The following RPRD2 variants were observed in gnomAD, a reference collection of about 807,000 sequenced individuals.
RPRD2 encodes the protein regulation of nuclear pre-mRNA domain containing 2.
In RPRD2, 12 loss-of-function variants were observed where a neutral mutation model predicts 104.4. The observed-to-expected ratio is 0.11, with a 90% CI of 0.07 to 0.19. The LOEUF is 0.19. Ranked by LOEUF, RPRD2 falls within the 10% of genes least tolerant of loss-of-function variation. The pLI is 1.00. For missense variants in RPRD2, 1,543 were observed against 1,790.1 expected (o/e 0.86, Z 2.49); for synonymous variants, 714 against 684.9 (o/e 1.04, Z -0.66).
intron 2 of RPRD2, among the ~76,000 whole-genome samples, chr1:150,428,217 C>T (rs1665294908): frequency 1.3e-5 from 2 of 151,684 alleles, no homozygotes; most frequent in Non-Finnish European, 2.9e-5. Context: ...TTTGGGAGGC[C>T]GAGGTGGGTG....
intron 9 of RPRD2, 42 bp downstream of exon 9, chr1:150,460,359 C>G (rs1226001252): frequency 6.5e-7 from 1 of 1,539,728 alleles, no homozygotes; most frequent in Non-Finnish European, 8.9e-7. Flanking sequence ...TAATTTCCAT[C>G]TTTTTAAATT....
chr1:150,404,277 C>T (rs769583278), intron 1 of RPRD2, among the ~76,000 whole-genome samples: 4 of 152,102 alleles, frequency 2.6e-5, no homozygotes, highest in Admixed American at 6.6e-5. Flanking sequence ...GATGGGGTCT[C>T]ACTCTGTTAT....
intron 7 of RPRD2, among the ~76,000 whole-genome samples, chr1:150,451,815 TAATC>T (rs1667197655): frequency 6.6e-6 from 1 of 151,716 alleles, no homozygotes; most frequent in Non-Finnish European, 1.5e-5. Context: ...GGGTGGGCCT[TAATC>T]ATCCGATATA....
At chr1:150,438,704 A>T (rs1401355309) in intron 2 of RPRD2, among the ~76,000 whole-genome samples, 1 of 152,180 alleles carries the variant, frequency 6.6e-6, no homozygotes, top group Non-Finnish European at 1.5e-5. Context: ...AGTGTACTTA[A>T]ATAAACGTAG....
Position 150,457,414 on chromosome 1 carries a change from G to C in RPRD2, c.997G>C (p.Gly333Arg). 2 of 1,613,892 alleles carry C rather than the reference G, an allele frequency of 1.2e-6. No homozygotes were observed. The highest frequency in any genetic ancestry group is 1.7e-6 in the Non-Finnish European group (2 of 1,179,882). ...SPSMDAPSPT[G>R]SESPFQGMGG... Reference sequence around the variant, plus strand: ...AAGCATGGACGCTCCCTCCCCGACTGGTTCTGAGTCTCCTTTTCAGGGAAT... The same window carrying C: ...AAGCATGGACGCTCCCTCCCCGACTCGTTCTGAGTCTCCTTTTCAGGGAAT... The change falls in exon 8 of 11, where the codon GGT becomes CGT. Residue 333 changes from glycine (G) to arginine (R), a missense_variant. Gly to Arg is a moderately radical substitution (Grantham distance 125, BLOSUM62 -2). This residue lies in a region of RPRD2 where 572 missense variants were observed against 787.3 expected (regional missense o/e 0.73). Transcript: ENST00000369068.
chr1:150,433,061 A>G (rs1237974134), intron 2 of RPRD2, among the ~76,000 whole-genome samples: 2 of 152,072 alleles, frequency 1.3e-5, no homozygotes, highest in African/African-American at 4.8e-5. Context: ...TGGCTACCCT[A>G]TTATATACTC....
intron 2 of RPRD2, among the ~76,000 whole-genome samples, chr1:150,418,017 G>A (rs1177409406): frequency 1.3e-5 from 2 of 150,756 alleles, no homozygotes; most frequent in Non-Finnish European, 2.9e-5. Context: ...GCCCAGGCTG[G>A]AGTGCAGTGG....
Position 150,470,819 on chromosome 1 carries a change from T to C in RPRD2, c.1871T>C (p.Leu624Pro), listed in dbSNP as rs778839214. 3 of 1,613,854 alleles carry C rather than the reference T, an allele frequency of 1.9e-6. No homozygotes were observed. The African/African-American group carries it at 4.0e-5, about 22-fold the overall frequency. The change falls in exon 11 of 11, where the codon CTA (leucine) becomes CCA (proline). Residue 624 changes from leucine to proline, a missense_variant. This residue lies in a region of RPRD2 where 572 missense variants were observed against 787.3 expected (regional missense o/e 0.73). Coordinates refer to ENST00000369068, the MANE Select transcript of RPRD2 (RefSeq NM_015203.5). ...GGGCTCCCAAGCACTACTTTTAAAC[T>C]ACCTTCCAACTCTTTGGGGTTTACA... The part of the protein sequence containing the change: ...SPGLPSTTFK[L>P]PSNSLGFTAT...
Position 150,472,321 on chromosome 1 carries a change from A to G in RPRD2, c.3373A>G (p.Arg1125Gly). ...GNRGHGREAS[R>G]VGWFDLSTSG... ...TAGAGGACATGGGCGTGAGGCTTCA[A>G]GGGTGGGTTGGTTTGATCTGAGCAC... Residue 1125 changes from arginine (R) to glycine (G), a missense_variant, in exon 11 of 11, where the codon AGG becomes GGG. Around this residue, in one of 4 missense-constraint regions of RPRD2, gnomAD observed 880 missense variants for 885.6 expected, o/e 0.99. Transcript: ENST00000369068. 6.2e-7 allele frequency: 1 copy of G among 1,613,978 alleles called. No homozygotes were observed. The highest frequency in any genetic ancestry group is 8.5e-7 in the Non-Finnish European group (1 of 1,179,880).
chr1:150,375,235 A>G (rs1660610392), intron 1 of RPRD2, among the ~76,000 whole-genome samples: 1 of 152,208 alleles, frequency 6.6e-6, no homozygotes, highest in African/African-American at 2.4e-5. Flanking sequence ...GATTTCATCC[A>G]TGGCCTTAGG....
intron 2 of RPRD2, among the ~76,000 whole-genome samples, chr1:150,421,226 G>A: frequency 6.6e-6 from 1 of 152,082 alleles, no homozygotes; most frequent in South Asian, 2.1e-4. Flanking sequence ...TATGCCAGCA[G>A]CAACTTATTT....
In RPRD2 at chr1:150,364,939, A is replaced by G; in HGVS notation, c.205+20A>G. ...GGAGATGTGAGTGTTGGGGGTGACT[A>G]GGGAAGGGAAGACTGGGGAAATGGA... is the stretch of plus-strand genomic sequence containing the variant. On this transcript the variant is annotated intron_variant, in intron 1 of 10. Transcript: ENST00000369068. 1.2e-6 allele frequency: 2 copies of G among 1,611,240 alleles called. No homozygotes were observed. Among genetic ancestry groups the G allele is most frequent in the Non-Finnish European group, 1.7e-6 (2 of 1,178,192 alleles).
intron 2 of RPRD2, among the ~76,000 whole-genome samples, chr1:150,420,392 T>C (rs587724150): frequency 3.9e-5 from 6 of 152,334 alleles, no homozygotes; most frequent in Admixed American, 3.3e-4. Flanking sequence ...AAGAATGTTT[T>C]AACTCAGTGA....
At chr1:150,400,453 CTG>C in intron 1 of RPRD2, among the ~76,000 whole-genome samples, 1 of 152,152 alleles carries the variant, frequency 6.6e-6, no homozygotes, top group Admixed American at 6.6e-5. Context: ...TGGGATGAAA[CTG>C]TTCCACCTCA....
At chr1:150,408,314 G>A (rs1008000644) in intron 1 of RPRD2, among the ~76,000 whole-genome samples, 6 of 151,582 alleles carry the variant, frequency 4.0e-5, no homozygotes, top group East Asian at 1.9e-4. Context: ...GCAGGTACCC[G>A]CCACCACGGC....
chr1:150,403,608 T>C (rs756568300), intron 1 of RPRD2, among the ~76,000 whole-genome samples: 1 of 152,154 alleles, frequency 6.6e-6, no homozygotes, highest in African/African-American at 2.4e-5. Context: ...CTCCTTCTTA[T>C]GGGTGGATAA....
chr1:150,364,199 T>A lies in RPRD2; in HGVS notation c.-516T>A, dbSNP rs1207433375. Among the ~76,000 whole-genome samples, 5 of 152,156 alleles carry A rather than the reference T, an allele frequency of 3.3e-5. No homozygotes were observed. Among genetic ancestry groups the A allele is most frequent in the African/African-American group, 1.2e-4 (5 of 41,444 alleles). On this transcript the variant is annotated 5_prime_UTR_variant, in exon 1 of 11. Transcript: ENST00000369068. ...CGTTGCAAAAAAAATCCTGACTAGGTAGCCTTGGACCTTTTCTGTGCTAGC... is the reference window on the plus strand; with the variant it reads ...CGTTGCAAAAAAAATCCTGACTAGGAAGCCTTGGACCTTTTCTGTGCTAGC...
intron 1 of RPRD2, among the ~76,000 whole-genome samples, chr1:150,412,457 C>T (rs374716288): frequency 4.6e-5 from 7 of 152,036 alleles, no homozygotes; most frequent in South Asian, 2.1e-4. Context: ...AAATTTTGGA[C>T]GTTTTCCTAT....
At chr1:150,460,405 TTG>T (rs1667850236) in intron 9 of RPRD2, 88 bp downstream of exon 9, 10 of 1,264,958 alleles carry the variant, frequency 7.9e-6, no homozygotes, top group Non-Finnish European at 1.1e-5. Flanking sequence ...GTTGTTGTTG[TTG>T]TTGTTGTTGT....
Sources: allele counts gnomAD v4.1 joint callset (sites outside exome capture counted in the v4.1 genomes callset), GRCh38; gene constraint gnomAD v4.1.1; regional missense constraint gnomAD v4.1.1; transcripts MANE v1.5; gene names NCBI Gene and HGNC (gene_info 2026-07-23, HGNC 2026-07-21).